The following FRAS1 variants were observed in gnomAD, a reference collection of about 807,000 sequenced individuals.
FRAS1 encodes Fraser extracellular matrix complex subunit 1, also known as extracellular matrix organizing protein FRAS1.
FRAS1 carries 290 observed loss-of-function variants against 435.2 expected under a neutral mutation model. The observed-to-expected ratio is 0.67, with a 90% CI of 0.61 to 0.73. FRAS1 has a LOEUF of 0.73. Ranked by LOEUF, FRAS1 falls within the 30% of genes least tolerant of loss-of-function variation. The pLI is 0.00. For synonymous variants in FRAS1, 1,800 were observed against 1,851.0 expected (o/e 0.97, Z 0.71); for missense variants, 4,860 against 5,001.5 (o/e 0.97, Z 0.85).
At chr4:78,369,146 G>A (rs1483269812) in intron 22 of FRAS1, among the ~76,000 whole-genome samples, 1 of 152,162 alleles carries the variant, frequency 6.6e-6, no homozygotes, top group Non-Finnish European at 1.5e-5. Flanking sequence ...GAGTTATATC[G>A]GAGAGTTTGA....
chr4:78,494,170 C>T (rs1026480652), intron 59 of FRAS1, among the ~76,000 whole-genome samples: 6 of 151,942 alleles, frequency 3.9e-5, no homozygotes. Context: ...ATGCTATTGT[C>T]CTCTTTTTTT....
Position 78,263,191 on chromosome 4 carries a change from A to G in FRAS1, c.604-1834A>G, listed in dbSNP as rs549755864. ...CCACCTCCCTACTCAGCTTCTTCTTACTTCCTCTCCAGTTCTGGCTGTAAA... is the reference window on the plus strand; with the variant it reads ...CCACCTCCCTACTCAGCTTCTTCTTGCTTCCTCTCCAGTTCTGGCTGTAAA... On this transcript the variant is annotated intron_variant, in intron 6 of 73. Coordinates refer to ENST00000512123, the MANE Select transcript of FRAS1 (RefSeq NM_025074.7). Among the ~76,000 whole-genome samples the G allele has an allele frequency of 1.1e-4, 16 of 152,302 alleles. 1 individual carries two copies. The highest frequency in any genetic ancestry group is 3.8e-4 in the African/African-American group (16 of 41,566).
rs574484468 is a variant in FRAS1 at position 78,105,641 on chromosome 4, C to T, written c.108+39625C>T. Among the ~76,000 whole-genome samples, 12 of 152,208 alleles carry T rather than the reference C, an allele frequency of 7.9e-5. 1 individual carries two copies. In the South Asian group the frequency reaches 2.5e-3, roughly 32 times the overall value. On this transcript the variant is annotated intron_variant, in intron 2 of 73. Coordinates refer to ENST00000512123, the MANE Select transcript of FRAS1 (RefSeq NM_025074.7). ...TCGTTTTTGAACATATTAGTCTTAA[C>T]ATCACAGGGGAAATGTACAACTGTT...
intron 73 of FRAS1, among the ~76,000 whole-genome samples, chr4:78,539,788 A>T (rs1057405087): frequency 1.3e-5 from 2 of 152,230 alleles, no homozygotes; most frequent in Admixed American, 6.5e-5. Context: ...AAAAACATTT[A>T]AAAAATCATA....
chr4:78,343,154 C>A (rs1730464508), intron 20 of FRAS1, among the ~76,000 whole-genome samples: 1 of 152,106 alleles, frequency 6.6e-6, no homozygotes, highest in South Asian at 2.1e-4. Context: ...TTCTTTATTG[C>A]AGGATTTCTG....
intron 17 of FRAS1, among the ~76,000 whole-genome samples, chr4:78,318,124 A>G (rs994952645): frequency 2.0e-5 from 3 of 152,262 alleles, no homozygotes; most frequent in African/African-American, 7.2e-5. Flanking sequence ...GAGTTTGAGA[A>G]TAGTTACAAG....
In FRAS1 at chr4:78,308,888, G is replaced by A. The variant is rs144010273; in HGVS notation, c.1678+679G>A. Among the ~76,000 whole-genome samples, 315 of 152,282 alleles carry A rather than the reference G, an allele frequency of 2.1e-3. 1 individual carries two copies. Among genetic ancestry groups the A allele is most frequent in the Non-Finnish European group, 3.7e-3 (254 of 68,028 alleles). On this transcript the variant is annotated intron_variant, in intron 15 of 73. Coordinates refer to ENST00000512123, the MANE Select transcript of FRAS1 (RefSeq NM_025074.7). Reference sequence around the variant, plus strand: ...AGCACCTGTGGAAGACACAATAATGGGCTCCCAATGATGCCCTTGTCCTAA... The same window carrying A: ...AGCACCTGTGGAAGACACAATAATGAGCTCCCAATGATGCCCTTGTCCTAA...
At chr4:78,192,303 G>T (rs1249519243) in intron 2 of FRAS1, among the ~76,000 whole-genome samples, 3 of 152,208 alleles carry the variant, frequency 2.0e-5, no homozygotes, top group Non-Finnish European at 4.4e-5. Flanking sequence ...CATAAAATGA[G>T]TTAGGGAGGA....
At chr4:78,309,546 C>G (rs938461314) in intron 15 of FRAS1, among the ~76,000 whole-genome samples, 3 of 152,190 alleles carry the variant, frequency 2.0e-5, no homozygotes, top group African/African-American at 7.2e-5. Flanking sequence ...GGTCACACAG[C>G]TAATAAGGGG....
chr4:78,125,997 G>T (rs567463463), intron 2 of FRAS1, among the ~76,000 whole-genome samples: 7 of 152,324 alleles, frequency 4.6e-5, no homozygotes, highest in African/African-American at 1.7e-4. Context: ...GGTGGAATCT[G>T]GACAGGCAGT....
chr4:78,265,032 C>T lies in FRAS1; in HGVS notation c.611C>T (p.Thr204Ile). The stretch of plus-strand genomic sequence containing the variant: ...CCTGTTCTGCGTGTTAAGGATGAGA[C>T]TGTAGTCCGAGTCCCTGGAAAATGT... ...CQPLFCNQDE[T>I]VVRVPGKCCP... is the part of the protein sequence containing the mutation. The change falls in exon 7 of 74, where the codon ACT becomes ATT. Residue 204 changes from threonine (T) to isoleucine (I), a missense_variant. Transcript: ENST00000512123. 1.9e-6 allele frequency: 3 copies of T among 1,604,126 alleles called. No homozygotes were observed. The highest frequency in any genetic ancestry group is 1.7e-4 in the Middle Eastern group (1 of 6,048).
rs557347559 is a variant in FRAS1 at position 78,360,281 on chromosome 4, A to G, written c.2423-3232A>G. On this transcript the variant is annotated intron_variant, in intron 20 of 73. Transcript: ENST00000512123. ...CATTAAATCTGGTCCTTAAGAGGCC[A>G]TCAGAGACCTTTTCAAGAGCAATAC... Among the ~76,000 whole-genome samples, 143 of 152,330 alleles carry G rather than the reference A, an allele frequency of 9.4e-4. 3 individuals are homozygous for G. The South Asian group carries it at 0.029, about 31-fold the overall frequency.
intron 6 of FRAS1, among the ~76,000 whole-genome samples, chr4:78,256,517 G>A (rs1238138886): frequency 6.6e-6 from 1 of 152,112 alleles, no homozygotes; most frequent in Non-Finnish European, 1.5e-5. Flanking sequence ...AAGGAGGAAT[G>A]GAAAGAAGAC....
intron 47 of FRAS1, among the ~76,000 whole-genome samples, chr4:78,456,238 G>C (rs994622924): frequency 1.9e-4 from 2 of 10,730 alleles, no homozygotes; most frequent in Admixed American, 1.9e-3. Context: ...CCGCCTCCCA[G>C]ATCAAGTGAT....
intron 2 of FRAS1, among the ~76,000 whole-genome samples, chr4:78,229,171 T>G (rs183404155): frequency 1.3e-5 from 2 of 152,328 alleles, no homozygotes; most frequent in East Asian, 1.9e-4. Context: ...TTTGGGACAT[T>G]ACTTAACCTC....
chr4:78,404,697 C>A (rs1295515830), intron 30 of FRAS1, among the ~76,000 whole-genome samples: 16 of 152,182 alleles, frequency 1.1e-4, no homozygotes, highest in Admixed American at 9.8e-4. Flanking sequence ...TCCTCAGTTA[C>A]TCTTGCATCT....
chr4:78,540,566 C>G lies in FRAS1; in HGVS notation c.11481C>G (p.Ile3827Met). 6.6e-7 allele frequency: 1 copy of G among 1,514,674 alleles called. No individual in the cohort carries two copies. Among genetic ancestry groups the G allele is most frequent in the Non-Finnish European group, 8.8e-7 (1 of 1,132,536 alleles). 93.8% of individuals were successfully genotyped at this position (1,514,674 alleles called of 1,614,324 possible). ...EAGHQWYLQV[I>M]YIIGPDTISG... Reference sequence around the variant, plus strand: ...GACACCAGTGGTATCTCCAGGTCATCTACATCATTGGCCCTGACACCATCT... The same window carrying G: ...GACACCAGTGGTATCTCCAGGTCATGTACATCATTGGCCCTGACACCATCT... Residue 3827 changes from isoleucine (I) to methionine (M), a missense_variant, in exon 74 of 74, where the codon ATC becomes ATG. Ile to Met is a conservative substitution (Grantham distance 10). Coordinates refer to ENST00000512123, the MANE Select transcript of FRAS1 (RefSeq NM_025074.7).
rs772404491 is a variant in FRAS1 at position 78,537,223 on chromosome 4, G to A, written c.11298+23G>A. 2.5e-6 allele frequency: 4 copies of A among 1,604,156 alleles called. No individual in the cohort carries two copies. In the East Asian group the frequency reaches 8.9e-5, roughly 36 times the overall value. Reference sequence around the variant, plus strand: ...TTGGTATGCTAAGTTCTCACTATTAGTGTTAAAGAGCAGACACTTGAGCAG... The same window carrying A: ...TTGGTATGCTAAGTTCTCACTATTAATGTTAAAGAGCAGACACTTGAGCAG... On this transcript the variant is annotated intron_variant, in intron 72 of 73. Transcript: ENST00000512123.
intron 47 of FRAS1, among the ~76,000 whole-genome samples, chr4:78,457,459 G>A (rs1719237768): frequency 6.6e-6 from 1 of 152,146 alleles, no homozygotes; most frequent in Admixed American, 6.5e-5. Flanking sequence ...TGAATCACAG[G>A]TTACACAGAG....
Sources: gnomAD v4.1 joint callset for allele counts (sites outside exome capture counted in the v4.1 genomes callset) on GRCh38, gnomAD v4.1.1 for gene constraint, MANE v1.5 for transcripts, NCBI Gene and HGNC (gene_info 2026-07-23, HGNC 2026-07-21) for gene names.